The following MTTP variants were observed in gnomAD, a reference collection of about 807,000 sequenced individuals.
MTTP encodes the protein microsomal triglyceride transfer protein, also known as microsomal triglyceride transfer protein large subunit.
A neutral mutation model predicts 90.6 loss-of-function variants in MTTP; 49 were observed. That is an observed-to-expected ratio of 0.54 (90% CI 0.43 to 0.69). MTTP has a LOEUF of 0.69. Ranked by LOEUF, MTTP falls within the 30% of genes least tolerant of loss-of-function variation. The pLI is 0.00. For synonymous variants in MTTP, 347 were observed against 384.2 expected, an observed-to-expected ratio of 0.90 and a Z score of 1.13; for missense variants, 945 against 1,067.5, an observed-to-expected ratio of 0.89 and a Z score of 1.60.
chr4:99,595,460 T>A (rs1473840819), intron 7 of MTTP: 1 of 164,330 alleles, frequency 6.1e-6, no homozygotes, highest in African/African-American at 2.4e-5. Flanking sequence ...ATTGCATGAA[T>A]CAGTTATGAT....
chr4:99,566,431 G>A (rs113034137), intron 1 of MTTP, among the ~76,000 whole-genome samples: 3,526 of 152,166 alleles, frequency 0.023, 108 homozygotes, highest in Middle Eastern at 0.1. Context: ...TGTAGTTTAA[G>A]CTAATATAAG....
chr4:99,606,929 A>G lies in MTTP; in HGVS notation c.1526A>G (p.Gln509Arg), dbSNP rs1007158279. ...AGCCACCTGGCTACCACTGCTCTCC[A>G]GAGATATGATCTCCCTTTCATAACT... The part of the protein sequence containing the change: ...PISHLATTAL[Q>R]RYDLPFITDE... The change falls in exon 11 of 18, where the codon CAG becomes CGG. Residue 509 changes from glutamine (Q) to arginine (R), a missense_variant. Coordinates refer to ENST00000265517, the MANE Select transcript of MTTP (RefSeq NM_001386140.1). 1 of 1,613,888 alleles carries G rather than the reference A, an allele frequency of 6.2e-7. No individual in the cohort carries two copies. Among genetic ancestry groups the G allele is most frequent in the African/African-American group, 1.3e-5 (1 of 75,048 alleles).
At chr4:99,571,308 TTATTA>T (rs765098547), upstream of MTTP, among the ~76,000 whole-genome samples, 22 of 151,984 alleles carry the variant, frequency 1.4e-4, no homozygotes, top group Non-Finnish European at 2.9e-4. Flanking sequence ...TACTTGGATA[TTATTA>T]TATTTTAGGT....
chr4:99,613,008 C>A lies in MTTP; in HGVS notation c.2085C>A (p.Ile695=), dbSNP rs1726000047. 1 of 1,614,072 alleles carries A rather than the reference C, an allele frequency of 6.2e-7. No individual in the cohort carries two copies. The highest frequency in any genetic ancestry group is 8.5e-7 in the Non-Finnish European group (1 of 1,179,962). The part of the protein sequence containing the change: ...NLDSYAGMSA[I]LFDVQLRPVT... The stretch of plus-strand genomic sequence containing the variant: ...ACTCCTATGCTGGTATGTCAGCCAT[C>A]CTCTTTGATGTTCAGCTCAGACCTG... The change falls in exon 15 of 18, where the codon ATC becomes ATA. Residue 695 remains isoleucine, a synonymous_variant. Coordinates refer to ENST00000265517, the MANE Select transcript of MTTP (RefSeq NM_001386140.1).
chr4:99,621,129 GTA>G lies in MTTP; in HGVS notation c.2412_2413del (p.Thr805ArgfsTer29). Reference sequence around the variant, plus strand: ...TTTGTGAAAGCTGGCCTGGAAACCAGTACAGAAACAGAAGCAGGCTTGGAGTT... The same window carrying G: ...TTTGTGAAAGCTGGCCTGGAAACCAGCAGAAACAGAAGCAGGCTTGGAGTT... On this transcript the variant is annotated frameshift_variant, in exon 17 of 18. Transcript: ENST00000265517. LOFTEE classifies it high-confidence loss of function. 6.2e-7 allele frequency: 1 copy of G among 1,614,076 alleles called. No individual in the cohort carries two copies. The highest frequency in any genetic ancestry group is 8.5e-7 in the Non-Finnish European group (1 of 1,179,974).
rs757648568 is a variant in MTTP, at chr4:99,574,963, T to C, written c.54T>C (p.Ser18=). The stretch of plus-strand genomic sequence containing the variant: ...GCTTCATTTCCTCATATTCAGCTTC[T>C]GTTAAAGGTAAGTTTGTGTTGCCTT... ...FLCFISSYSA[S]VKGHTTGLSL... is the part of the protein sequence containing the mutation. The change falls in exon 1 of 18, where the codon TCT becomes TCC. Residue 18 remains serine, a synonymous_variant. Coordinates refer to ENST00000265517, the MANE Select transcript of MTTP (RefSeq NM_001386140.1). 1.2e-6 allele frequency: 2 copies of C among 1,614,180 alleles called. No individual in the cohort carries two copies. Among genetic ancestry groups the C allele is most frequent in the East Asian group, 4.5e-5 (2 of 44,882 alleles).
At chr4:99,572,386 C>G (rs543262444), upstream of MTTP, among the ~76,000 whole-genome samples, 1 of 151,904 alleles carries the variant, frequency 6.6e-6, no homozygotes, top group Admixed American at 6.6e-5. Context: ...GAAGACAGTC[C>G]CAATTAACAA....
intron 12 of MTTP, among the ~76,000 whole-genome samples, chr4:99,609,664 G>T (rs1020713905): frequency 1.3e-5 from 2 of 152,108 alleles, no homozygotes; most frequent in Admixed American, 6.6e-5. Flanking sequence ...GATTGGAAGG[G>T]TGGAAAATAA....
upstream of MTTP, among the ~76,000 whole-genome samples, chr4:99,570,285 A>C (rs1724812681): frequency 6.6e-6 from 1 of 152,032 alleles, no homozygotes; most frequent in Non-Finnish European, 1.5e-5. Flanking sequence ...TATATATAGA[A>C]TACTTAATTC....
chr4:99,601,584 T>C (rs1307884354), intron 9 of MTTP, 23 bp from the exon 10 acceptor site: 1 of 1,510,330 alleles, frequency 6.6e-7, no homozygotes, highest in Admixed American at 1.7e-5. Context: ...TGGTAACCTA[T>C]TTTATCCCTG....
At chr4:99,619,251 G>A (rs1186598779) in intron 16 of MTTP, among the ~76,000 whole-genome samples, 153 bp downstream of exon 16, 1 of 152,086 alleles carries the variant, frequency 6.6e-6, no homozygotes, top group Non-Finnish European at 1.5e-5. Context: ...GTGATCATAG[G>A]AAATTATTCT....
intron 1 of MTTP, among the ~76,000 whole-genome samples, chr4:99,564,595 TATA>T (rs1724614257): frequency 6.6e-6 from 1 of 152,208 alleles, no homozygotes; most frequent in Non-Finnish European, 1.5e-5. Flanking sequence ...TACTTGACCT[TATA>T]TAATCTTTTG....
chr4:99,569,003 G>A (rs1307712255), intron 1 of MTTP, among the ~76,000 whole-genome samples: 2 of 152,064 alleles, frequency 1.3e-5, no homozygotes, highest in East Asian at 1.9e-4. Flanking sequence ...AATGTGGGAT[G>A]TACATAGCAT....
intron 8 of MTTP, among the ~76,000 whole-genome samples, chr4:99,598,653 CTTTTTTTT>C (rs745529189): frequency 2.4e-5 from 2 of 82,544 alleles, no homozygotes; most frequent in South Asian, 4.7e-4. Flanking sequence ...TCAAGGAAGT[CTTTTTTTT>C]TTTTTTTTTT....
intron 7 of MTTP, among the ~76,000 whole-genome samples, chr4:99,596,615 T>C (rs777954304): frequency 4.6e-5 from 7 of 152,020 alleles, no homozygotes; most frequent in African/African-American, 1.2e-4. Flanking sequence ...CACCGAAAAA[T>C]TGATTTTCAG....
Position 99,611,320 on chromosome 4 carries a change from G to T in MTTP, c.1868-12G>T. 1 of 1,614,028 alleles carries T rather than the reference G, an allele frequency of 6.2e-7. No homozygotes were observed. The highest frequency in any genetic ancestry group is 8.5e-7 in the Non-Finnish European group (1 of 1,179,940). ...GAACTGCTATTAAATTACAGTTATT[G>T]TGTGTCATCAGGTAGTCCCCGTTCG... On this transcript the variant is annotated splice_polypyrimidine_tract_variant and intron_variant, in intron 13 of 17. Transcript: ENST00000265517.
chr4:99,610,994 C>T (rs554469310), intron 12 of MTTP, 149 bp from the exon 13 acceptor site: 77 of 753,150 alleles, frequency 1.0e-4, no homozygotes, highest in Middle Eastern at 3.7e-4. Flanking sequence ...GATGCTACCA[C>T]GCCAGCTGGC....
intron 15 of MTTP, among the ~76,000 whole-genome samples, chr4:99,615,042 T>G (rs1190528843): frequency 6.6e-6 from 1 of 152,172 alleles, no homozygotes; most frequent in African/African-American, 2.4e-5. Flanking sequence ...ACTGAAAAAG[T>G]AGTCCACGTT....
At chr4:99,587,367 A>G (rs920966672) in intron 3 of MTTP, among the ~76,000 whole-genome samples, 2 of 152,146 alleles carry the variant, frequency 1.3e-5, no homozygotes, top group Non-Finnish European at 2.9e-5. Context: ...AAAGGATTAA[A>G]AAAACTTTTT....
Sources: allele counts gnomAD v4.1 joint callset (sites outside exome capture counted in the v4.1 genomes callset), GRCh38; gene constraint gnomAD v4.1.1; transcripts MANE v1.5; gene names NCBI Gene and HGNC (gene_info 2026-07-23, HGNC 2026-07-21).